BPIFC: variants seen among roughly 807,000 people sequenced by gnomAD.
BPIFC encodes the protein BPI fold containing family C.
In BPIFC, 60 loss-of-function variants were observed where a neutral mutation model predicts 57.6. The ratio of observed to expected loss-of-function variants is 1.04; its 90% CI spans 0.85 to 1.29. The LOEUF (loss-of-function observed/expected upper bound fraction) is 1.29, where lower values mean the gene tolerates loss of function less well. Ranked by LOEUF, BPIFC falls within the 50% of genes most tolerant of loss-of-function variation. The pLI is 0.00. For synonymous variants in BPIFC, 243 were observed against 224.5 expected, an observed-to-expected ratio of 1.08 and a Z score of -0.74; for missense variants, 581 against 600.5, an observed-to-expected ratio of 0.97 and a Z score of 0.34.
At chr22:32,429,548 G>A (rs1427637350) in intron 13 of BPIFC, among the ~76,000 whole-genome samples, 4 of 112,582 alleles carry the variant, frequency 3.6e-5, no homozygotes, top group East Asian at 3.2e-4. Flanking sequence ...ATGAAGTCCC[G>A]CTCTGTTGCC....
rs535368142 is a variant in BPIFC at position 32,464,339 on chromosome 22, C to T, written c.-89+35G>A. On this transcript the variant is annotated intron_variant, in intron 1 of 16. Transcript: ENST00000300399. ...GACATCTCCAGTTTGGAGATCATGG[C>T]TGGCAGAGACCTGAAGTTTGTTCAT... 75 of 970,664 alleles carry T rather than the reference C, an allele frequency of 7.7e-5. 1 individual carries two copies. In the South Asian group the frequency reaches 3.0e-3, roughly 39 times the overall value. 60.1% of individuals were successfully genotyped at this position (970,664 alleles called of 1,614,324 possible). A position where few individuals can be genotyped will look rare whatever the true frequency, so the allele number is the denominator to read the frequency against.
At chr22:32,416,838 A>G (rs1267871287) in intron 15 of BPIFC, among the ~76,000 whole-genome samples, 1 of 152,212 alleles carries the variant, frequency 6.6e-6, no homozygotes. Context: ...ACTCAACCAG[A>G]GTTGGCCGAT....
intron 4 of BPIFC, among the ~76,000 whole-genome samples, chr22:32,451,982 C>A (rs1017355534): frequency 1.3e-5 from 2 of 152,240 alleles, no homozygotes; most frequent in African/African-American, 4.8e-5. Flanking sequence ...ATCACTGCAA[C>A]CTTGACCTCC....
chr22:32,426,000 T>G (rs1934057411), intron 13 of BPIFC, among the ~76,000 whole-genome samples: 2 of 152,216 alleles, frequency 1.3e-5, no homozygotes, highest in Non-Finnish European at 2.9e-5. Flanking sequence ...GTGGCAGCAC[T>G]GGGATCAGAA....
intron 13 of BPIFC, among the ~76,000 whole-genome samples, chr22:32,426,511 A>T (rs1310301949): frequency 6.6e-6 from 1 of 152,172 alleles, no homozygotes; most frequent in Non-Finnish European, 1.5e-5. Flanking sequence ...TCACTGCCTG[A>T]GGTTTGCTAT....
chr22:32,445,008 G>C (rs915258710), intron 7 of BPIFC, among the ~76,000 whole-genome samples: 1 of 152,174 alleles, frequency 6.6e-6, no homozygotes, highest in Non-Finnish European at 1.5e-5. Context: ...CATGCAATAG[G>C]TACATAATAA....
intron 10 of BPIFC, among the ~76,000 whole-genome samples, 180 bp downstream of exon 10, chr22:32,435,524 G>A (rs1934363894): frequency 6.6e-6 from 1 of 152,168 alleles, no homozygotes; most frequent in African/African-American, 2.4e-5. Context: ...TTTGGATAAG[G>A]GATGCTCAAC....
chr22:32,427,052 A>G (rs1424635064), intron 13 of BPIFC, among the ~76,000 whole-genome samples: 2 of 152,192 alleles, frequency 1.3e-5, no homozygotes, highest in African/African-American at 4.8e-5. Context: ...GAGAATTTCC[A>G]GGAGACTGCT....
intron 13 of BPIFC, among the ~76,000 whole-genome samples, chr22:32,430,509 A>G (rs927765756): frequency 6.8e-6 from 1 of 146,626 alleles, no homozygotes. Context: ...TAGGAAATAA[A>G]TATAATATAT....
At chr22:32,450,163 C>CAT (rs112140454) in intron 4 of BPIFC, among the ~76,000 whole-genome samples, 57,535 of 150,474 alleles carry the variant, frequency 0.38, 12,058 homozygotes, top group African/African-American at 0.54. Flanking sequence ...TATATACACA[C>CAT]ATATATATAA....
intron 4 of BPIFC, 175 bp downstream of exon 4, chr22:32,453,208 A>T: frequency 2.3e-6 from 1 of 444,326 alleles, no homozygotes; most frequent in Non-Finnish European, 3.9e-6. Context: ...CTGGAACCGC[A>T]GTGGCCATAT....
intron 14 of BPIFC, among the ~76,000 whole-genome samples, chr22:32,419,141 A>G (rs182416250): frequency 2.7e-4 from 41 of 152,324 alleles, no homozygotes; most frequent in Non-Finnish European, 4.6e-4. Context: ...TTTTTAAAAA[A>G]GTATTTCTGC....
intron 3 of BPIFC, among the ~76,000 whole-genome samples, chr22:32,455,250 C>T (rs2145965231): frequency 6.6e-6 from 1 of 151,990 alleles, no homozygotes; most frequent in South Asian, 2.1e-4. Context: ...CGGGTTTCAC[C>T]ATGTTGACCT....
intron 13 of BPIFC, among the ~76,000 whole-genome samples, chr22:32,420,286 C>G (rs1318986580): frequency 6.6e-6 from 1 of 150,686 alleles, no homozygotes; most frequent in Non-Finnish European, 1.5e-5. Context: ...CCACTGCACT[C>G]CAGCCTGGGT....
intron 5 of BPIFC, 45 bp downstream of exon 5, chr22:32,447,167 C>T (rs1179135673): frequency 1.4e-6 from 2 of 1,445,942 alleles, no homozygotes; most frequent in Admixed American, 2.5e-5. Context: ...CGTTTTTGCT[C>T]ACATTCTCCC....
At chr22:32,435,243 CAGTGGTGAGTGGTGAGGTA>C (rs1934357214) in intron 10 of BPIFC, among the ~76,000 whole-genome samples, 4 of 152,066 alleles carry the variant, frequency 2.6e-5, no homozygotes, top group Non-Finnish European at 4.4e-5. Flanking sequence ...TAATCTAGAA[CAGTGGTGAGTGGTGAGGTA>C]TTAGCAGAAC....
intron 13 of BPIFC, among the ~76,000 whole-genome samples, chr22:32,425,642 C>A (rs2145920638): frequency 6.6e-6 from 1 of 152,142 alleles, no homozygotes; most frequent in Middle Eastern, 3.4e-3. Context: ...ATTATTGGGC[C>A]TTTACCGTCT....
chr22:32,455,050 C>CTTTTTTTTTTTTTT lies in BPIFC; in HGVS notation c.125-1548_125-1547insAAAAAAAAAAAAAA, dbSNP rs1392514246. Among the ~76,000 whole-genome samples the CTTTTTTTTTTTTTT allele has an allele frequency of 1.5e-5, 2 of 134,148 alleles. 1 individual carries two copies. 88.0% of individuals were successfully genotyped at this position (134,148 alleles called of 152,430 possible). A position where few individuals can be genotyped will look rare whatever the true frequency, so the allele number is the denominator to read the frequency against. On this transcript the variant is annotated intron_variant, in intron 3 of 16. Transcript: ENST00000300399. ...GTACTATAATTTTCATTTTCATCTCCATTTTTTTTTTTTTTTTTTGAGACA... is the reference window on the plus strand; with the variant it reads ...GTACTATAATTTTCATTTTCATCTCCTTTTTTTTTTTTTTATTTTTTTTTTTTTTTTTTGAGACA...
In BPIFC at chr22:32,445,980, C is replaced by A. The variant is rs1934718318; in HGVS notation, c.391G>T (p.Ala131Ser). Residue 131 changes from alanine (A) to serine (S), a missense_variant, in exon 6 of 17, where the codon GCT becomes TCT. Transcript: ENST00000300399. ...ESPLFQDTGG[A>S]DLFLSGVYFT... ...TAGACTCCGGAGAGAAACAGATCAG[C>A]CCCTCCTGTGTCTTGGCTGTTTAAA... is the stretch of plus-strand genomic sequence containing the variant. 1 of 1,613,944 alleles carries A rather than the reference C, an allele frequency of 6.2e-7. No homozygotes were observed. Among genetic ancestry groups the A allele is most frequent in the Non-Finnish European group, 8.5e-7 (1 of 1,179,978 alleles).
Sources: gnomAD v4.1 joint callset for allele counts (sites outside exome capture counted in the v4.1 genomes callset) on GRCh38, gnomAD v4.1.1 for gene constraint, MANE v1.5 for transcripts, NCBI Gene and HGNC (gene_info 2026-07-23, HGNC 2026-07-21) for gene names.